The following FOLH1 variants were observed in gnomAD, a reference collection of about 807,000 sequenced individuals.
FOLH1 encodes folate hydrolase 1.
Under a neutral mutation model 93.9 loss-of-function variants are expected in FOLH1, and 54 were observed. That is an observed-to-expected ratio of 0.57 (90% confidence interval 0.46 to 0.72). FOLH1 has a LOEUF of 0.72. FOLH1 is among the 30% of genes least tolerant of loss of function. The pLI is 0.00. For synonymous variants in FOLH1, 249 were observed against 303.6 expected (o/e 0.82, Z 1.87); for missense variants, 571 against 892.5 (o/e 0.64, Z 4.59).
chr11:49,185,506 TA>T (rs1861260203), intron 6 of FOLH1, 162 bp downstream of exon 6: 1 of 913,146 alleles, frequency 1.1e-6, no homozygotes, highest in African/African-American at 1.7e-5. Flanking sequence ...AATAAGGGGG[TA>T]AGGGGCCTGA....
At chr11:49,153,817 A>G (rs1270214685) in intron 17 of FOLH1, 29 bp downstream of exon 17, 2 of 1,458,794 alleles carry the variant, frequency 1.4e-6, no homozygotes, top group Admixed American at 2.1e-5. Context: ...ACACACATAC[A>G]CACATATGCA....
intron 9 of FOLH1, 130 bp from the exon 10 acceptor site, chr11:49,173,606 A>C (rs1171356813): frequency 5.3e-6 from 5 of 939,346 alleles, no homozygotes; most frequent in African/African-American, 3.3e-5. Context: ...GTTCCCCAAG[A>C]TTTGTGAAAA....
At chr11:49,169,667 G>A (rs1179258525) in intron 11 of FOLH1, among the ~76,000 whole-genome samples, 1 of 152,120 alleles carries the variant, frequency 6.6e-6, no homozygotes, top group Non-Finnish European at 1.5e-5. Flanking sequence ...TGGAATGAAG[G>A]TATTTTAAGT....
intron 17 of FOLH1, among the ~76,000 whole-genome samples, chr11:49,150,034 T>C (rs1455912573): frequency 6.6e-6 from 1 of 152,144 alleles, no homozygotes; most frequent in Non-Finnish European, 1.5e-5. Context: ...TAGCTCAGTA[T>C]AGCCTTAAAC....
At chr11:49,164,823 T>G (rs1363457422) in intron 12 of FOLH1, 51 bp from the exon 13 acceptor site, 1 of 1,397,104 alleles carries the variant, frequency 7.2e-7, no homozygotes, top group Non-Finnish European at 9.9e-7. Flanking sequence ...TTTCTGTTAT[T>G]ATTTTCTTCA....
chr11:49,180,412 C>T (rs1420451267), intron 7 of FOLH1, among the ~76,000 whole-genome samples: 1 of 152,116 alleles, frequency 6.6e-6, no homozygotes, highest in Non-Finnish European at 1.5e-5. Flanking sequence ...ATATGGTGTC[C>T]CCTTTCTGTC....
intron 12 of FOLH1, among the ~76,000 whole-genome samples, chr11:49,166,137 T>C (rs1858378252): frequency 6.6e-6 from 1 of 152,246 alleles, no homozygotes; most frequent in Non-Finnish European, 1.5e-5. Flanking sequence ...GTGGTAGTGT[T>C]TGTTTTTTAA....
intron 7 of FOLH1, among the ~76,000 whole-genome samples, chr11:49,181,935 A>G (rs16906190): frequency 0.12 from 18,493 of 152,160 alleles, 1,307 homozygotes; most frequent in South Asian, 0.24. Flanking sequence ...TAAAATTAGT[A>G]AGAAAGGCTT....
At chr11:49,159,134 C>G (rs939426319) in intron 13 of FOLH1, among the ~76,000 whole-genome samples, 5 of 152,072 alleles carry the variant, frequency 3.3e-5, no homozygotes, top group Non-Finnish European at 5.9e-5. Flanking sequence ...TTTTATCTTG[C>G]CTGATTACCC....
intron 17 of FOLH1, among the ~76,000 whole-genome samples, chr11:49,148,968 A>G (rs931527432): frequency 1.3e-5 from 2 of 152,118 alleles, no homozygotes; most frequent in Admixed American, 6.6e-5. Context: ...TCGAGGGTAC[A>G]TGTGCACAAC....
intron 8 of FOLH1, 77 bp downstream of exon 8, chr11:49,175,782 T>C: frequency 3.0e-6 from 4 of 1,349,478 alleles, no homozygotes; most frequent in Non-Finnish European, 4.1e-6. Context: ...AAATTTTACT[T>C]TTTCTGTCAT....
At chr11:49,148,901 G>A (rs990068681) in intron 17 of FOLH1, among the ~76,000 whole-genome samples, 170 bp from the exon 18 acceptor site, 3 of 152,210 alleles carry the variant, frequency 2.0e-5, no homozygotes, top group East Asian at 3.9e-4. Flanking sequence ...ACACATGTAT[G>A]TGAAAAGTCG....
chr11:49,176,528 T>C (rs202714), intron 7 of FOLH1, among the ~76,000 whole-genome samples: 27,392 of 151,870 alleles, frequency 0.18, 2,827 homozygotes, highest in African/African-American at 0.28. Context: ...AGCAGGTGAC[T>C]GAGAAAGAAA....
intron 7 of FOLH1, among the ~76,000 whole-genome samples, chr11:49,180,410 T>TC (rs1860583714): frequency 6.6e-6 from 1 of 152,208 alleles, no homozygotes; most frequent in Non-Finnish European, 1.5e-5. Flanking sequence ...ATATATGGTG[T>TC]CCCCTTTCTG....
intron 7 of FOLH1, among the ~76,000 whole-genome samples, chr11:49,177,713 C>T (rs1333713627): frequency 2.1e-5 from 3 of 144,184 alleles, no homozygotes; most frequent in Middle Eastern, 3.8e-3. Context: ...TTTGGGAGGG[C>T]GAGGCAAGCG....
chr11:49,155,218 G>T (rs1412183973), intron 15 of FOLH1, among the ~76,000 whole-genome samples: 3 of 152,070 alleles, frequency 2.0e-5, no homozygotes. Flanking sequence ...TTTGAATCTA[G>T]GCTTCAGGAC....
At chr11:49,188,568 A>T (rs542822328) in intron 4 of FOLH1, among the ~76,000 whole-genome samples, 1 of 152,238 alleles carries the variant, frequency 6.6e-6, no homozygotes, top group South Asian at 2.1e-4. Context: ...GCAGTATCAA[A>T]TTAAGTCTAA....
At chr11:49,200,946 A>G (rs2135316688) in intron 2 of FOLH1, among the ~76,000 whole-genome samples, 1 of 152,218 alleles carries the variant, frequency 6.6e-6, no homozygotes, top group East Asian at 1.9e-4. Flanking sequence ...ATCTGAACAT[A>G]CCGATACAAG....
chr11:49,175,144 T>G (rs1469213653), intron 8 of FOLH1, among the ~76,000 whole-genome samples, 167 bp from the exon 9 acceptor site: 1 of 152,038 alleles, frequency 6.6e-6, no homozygotes, highest in African/African-American at 2.4e-5. Context: ...AACACACCAG[T>G]GTATACAGGA....
Sources: gnomAD v4.1 joint callset for allele counts (sites outside exome capture counted in the v4.1 genomes callset) on GRCh38, gnomAD v4.1.1 for gene constraint, MANE v1.5 for transcripts, NCBI Gene and HGNC (gene_info 2026-07-23, HGNC 2026-07-21) for gene names.